ANGPT1: variants seen among roughly 807,000 people sequenced by gnomAD.
ANGPT1 encodes the protein angiopoietin-1.
Under a neutral mutation model 62.2 loss-of-function variants are expected in ANGPT1, and 17 were observed. The ratio of observed to expected loss-of-function variants is 0.27; its 90% CI spans 0.19 to 0.41. The LOEUF (loss-of-function observed/expected upper bound fraction) is 0.41. Ranked by LOEUF, ANGPT1 falls within the 10% of genes least tolerant of loss-of-function variation. The probability of loss-of-function intolerance (pLI) is 1.00; values close to 1 mark genes in which losing one functional copy is unlikely to be tolerated. For synonymous variants in ANGPT1, 199 were observed against 198.9 expected (o/e 1.00, Z 0.00); for missense variants, 478 against 594.9 (o/e 0.80, Z 2.04).
rs59730519 is a variant in ANGPT1 at position 107,336,486 on chromosome 8, A to C, written c.454-215T>G. Reference sequence around the variant, plus strand: ...CGAGACCATCCTGGCAAACATGGTGAAACCCCGTCTCTACTAAAAATACAA... The same window carrying C: ...CGAGACCATCCTGGCAAACATGGTGCAACCCCGTCTCTACTAAAAATACAA... On this transcript the variant is annotated intron_variant, in intron 2 of 8. Coordinates refer to ENST00000517746, the MANE Select transcript of ANGPT1 (RefSeq NM_001146.5). 87 of 570,804 alleles carry C rather than the reference A, an allele frequency of 1.5e-4. 1 individual carries two copies. The highest frequency in any genetic ancestry group is 1.5e-3 in the African/African-American group (73 of 48,560). 35.4% of individuals were successfully genotyped at this position (570,804 alleles called of 1,614,324 possible).
chr8:107,329,009 T>C (rs1815356016), intron 3 of ANGPT1, among the ~76,000 whole-genome samples: 1 of 152,018 alleles, frequency 6.6e-6, no homozygotes, highest in South Asian at 2.1e-4. Context: ...TATCTGTTTA[T>C]GGTTATATGT....
chr8:107,437,747 T>C (rs1272903169), intron 1 of ANGPT1, among the ~76,000 whole-genome samples: 3 of 151,950 alleles, frequency 2.0e-5, no homozygotes, highest in Non-Finnish European at 2.9e-5. Flanking sequence ...TCAGGAATCA[T>C]AGATGACAGC....
At position 107,303,248 on chromosome 8, in the gene ANGPT1, G is replaced by A. The variant is rs1343604931; in HGVS notation, c.928C>T (p.Pro310Ser). Residue 310 changes from proline to serine, a missense_variant, in exon 5 of 9, where the codon CCC becomes TCC. Physicochemically the swap from Pro to Ser is moderately conservative, Grantham distance 74 (BLOSUM62 -1). This residue lies in a region of ANGPT1 where 81 missense variants were observed against 117.1 expected (regional missense o/e 0.69). Transcript: ENST00000517746. ...AACACTTCTGGTTTTACCTTTTTGG[G>A]TTCTGGCATATTATTAATATAAATA... The part of the protein sequence containing the change: ...YTIYINNMPE[P>S]KKVFCNMDVN... 6.2e-7 allele frequency: 1 copy of A among 1,608,540 alleles called. No homozygotes were observed. The highest frequency in any genetic ancestry group is 8.5e-7 in the Non-Finnish European group (1 of 1,177,046).
At chr8:107,429,757 G>T (rs1166395337) in intron 1 of ANGPT1, among the ~76,000 whole-genome samples, 1 of 151,936 alleles carries the variant, frequency 6.6e-6, no homozygotes, top group African/African-American at 2.4e-5. Context: ...GTGGTCAAAG[G>T]ATCGTCACTG....
chr8:107,270,668 A>G (rs1030728957), intron 7 of ANGPT1, among the ~76,000 whole-genome samples: 2 of 152,036 alleles, frequency 1.3e-5, no homozygotes, highest in African/African-American at 4.8e-5. Context: ...CTATAACTCT[A>G]TTGTCCATAC....
intron 1 of ANGPT1, among the ~76,000 whole-genome samples, chr8:107,454,720 A>G (rs921623291): frequency 8.5e-5 from 13 of 152,056 alleles, no homozygotes; most frequent in African/African-American, 3.1e-4. Flanking sequence ...TTCTCAGACA[A>G]ATTTCACCTG....
intron 1 of ANGPT1, among the ~76,000 whole-genome samples, chr8:107,360,762 A>G (rs1276866009): frequency 6.6e-6 from 1 of 152,142 alleles, no homozygotes; most frequent in African/African-American, 2.4e-5. Flanking sequence ...TCAGGCAGTA[A>G]AAAAGTCTTC....
chr8:107,390,053 C>A (rs1816805781), intron 1 of ANGPT1, among the ~76,000 whole-genome samples: 1 of 152,020 alleles, frequency 6.6e-6, no homozygotes. Context: ...GCCTGTAAAT[C>A]TAAACTCAAT....
intron 1 of ANGPT1, among the ~76,000 whole-genome samples, chr8:107,420,509 T>C (rs1314928019): frequency 6.6e-6 from 1 of 152,210 alleles, no homozygotes; most frequent in African/African-American, 2.4e-5. Context: ...GTCTCTCCTC[T>C]ATTTACTTTA....
intron 4 of ANGPT1, among the ~76,000 whole-genome samples, chr8:107,316,503 T>G (rs1387742914): frequency 6.6e-6 from 1 of 152,204 alleles, no homozygotes; most frequent in East Asian, 1.9e-4. Context: ...GACTGGCTTG[T>G]GTCAAGTATT....
chr8:107,385,354 G>A (rs1816713017), intron 1 of ANGPT1, among the ~76,000 whole-genome samples: 1 of 151,960 alleles, frequency 6.6e-6, no homozygotes, highest in Non-Finnish European at 1.5e-5. Context: ...CACCTTCCTG[G>A]TTAGCTGTAT....
chr8:107,387,884 A>G (rs1816762020), intron 1 of ANGPT1, among the ~76,000 whole-genome samples: 1 of 152,062 alleles, frequency 6.6e-6, no homozygotes, highest in African/African-American at 2.4e-5. Context: ...TTTGAAGTAA[A>G]TAAGTAAAAT....
intron 8 of ANGPT1, among the ~76,000 whole-genome samples, chr8:107,253,263 G>C (rs531425556): frequency 6.6e-6 from 1 of 152,236 alleles, no homozygotes; most frequent in East Asian, 1.9e-4. Context: ...CAAAACATGA[G>C]GGACAAAAAG....
At chr8:107,431,734 CTT>C (rs5893864) in intron 1 of ANGPT1, among the ~76,000 whole-genome samples, 96 of 149,174 alleles carry the variant, frequency 6.4e-4, no homozygotes, top group East Asian at 3.1e-3. Context: ...ACTACTCTGT[CTT>C]TTTTTTTTTT....
At chr8:107,488,736 C>A (rs2130536716) in intron 1 of ANGPT1, among the ~76,000 whole-genome samples, 1 of 152,240 alleles carries the variant, frequency 6.6e-6, no homozygotes, top group Admixed American at 6.5e-5. Context: ...AATAAGGTTA[C>A]AATTCTCACC....
intron 1 of ANGPT1, among the ~76,000 whole-genome samples, chr8:107,488,019 T>C (rs557809633): frequency 6.6e-6 from 1 of 152,314 alleles, no homozygotes; most frequent in East Asian, 1.9e-4. Flanking sequence ...GTGTACACTA[T>C]CATACAATTG....
chr8:107,389,293 C>G (rs950669070), intron 1 of ANGPT1, among the ~76,000 whole-genome samples: 1 of 152,180 alleles, frequency 6.6e-6, no homozygotes, highest in African/African-American at 2.4e-5. Context: ...GGACTACGTG[C>G]TATGTCTGAC....
chr8:107,373,731 G>A (rs1251080965), intron 1 of ANGPT1, among the ~76,000 whole-genome samples: 4 of 152,250 alleles, frequency 2.6e-5, no homozygotes, highest in African/African-American at 9.6e-5. Flanking sequence ...ATTTTTCTAA[G>A]TGCCTCACTT....
intron 3 of ANGPT1, among the ~76,000 whole-genome samples, chr8:107,331,254 AAATT>A (rs764905301): frequency 5.9e-5 from 9 of 152,184 alleles, no homozygotes; most frequent in Non-Finnish European, 1.3e-4. Context: ...CAATCACTTA[AAATT>A]AATTAACTTA....
Sources: allele counts gnomAD v4.1 joint callset (sites outside exome capture counted in the v4.1 genomes callset), GRCh38; gene constraint gnomAD v4.1.1; regional missense constraint gnomAD v4.1.1; transcripts MANE v1.5; gene names NCBI Gene and HGNC (gene_info 2026-07-23, HGNC 2026-07-21).